Variants in PWWP2A observed in about 807,000 individuals in gnomAD.
The protein encoded by PWWP2A is PWWP domain-containing protein 2A.
PWWP2A carries 18 observed loss-of-function variants against 48.5 expected under a neutral mutation model. That is an observed-to-expected ratio of 0.37 (90% CI 0.26 to 0.55). The LOEUF (loss-of-function observed/expected upper bound fraction) is 0.55, where lower values mean the gene tolerates loss of function less well. PWWP2A is among the 20% of genes least tolerant of loss of function. PWWP2A has a pLI of 0.81. For missense variants in PWWP2A, 867 were observed against 976.4 expected, an observed-to-expected ratio of 0.89 and a Z score of 1.49; for synonymous variants, 396 against 387.7, an observed-to-expected ratio of 1.02 and a Z score of -0.25.
At position 160,093,723 on chromosome 5, in the gene PWWP2A, T is replaced by C. The variant is rs1371977006; in HGVS notation, c.927A>G (p.Ile309Met). The change falls in exon 2 of 2, where the codon ATA becomes ATG. Residue 309 changes from isoleucine to methionine, a missense_variant. Transcript: ENST00000307063. The surrounding 1 kb of genome is among the most constrained non-coding windows in gnomAD (Gnocchi z 5.8). ...TGGGTCGTAGTTTAATAGCATTCAT[T>C]ATTGAAGTGGGTTCTTCCCTGTACA... is the stretch of plus-strand genomic sequence containing the variant. ...RKMYREEPTS[I>M]MNAIKLRPRQ... 1 of 1,614,052 alleles carries C rather than the reference T, an allele frequency of 6.2e-7. No homozygotes were observed. The highest frequency in any genetic ancestry group is 8.5e-7 in the Non-Finnish European group (1 of 1,179,904).
the PWWP2A span, chr5:160,051,208 G>T: frequency 1.9e-6 from 3 of 1,590,700 alleles, no homozygotes; most frequent in South Asian, 3.4e-5. Context: ...TACTTTGCTT[G>T]ATCATAAACA....
At chr5:160,063,966 C>CTTT (rs34967107) in intron 4 of PWWP2A, among the ~76,000 whole-genome samples, 9,738 of 106,574 alleles carry the variant, frequency 0.091, 1,030 homozygotes, top group Admixed American at 0.17. Context: ...TAGACCATGA[C>CTTT]TTTTTTTTTT....
At chr5:160,084,772 G>A (rs1418063437) in intron 2 of PWWP2A, among the ~76,000 whole-genome samples, 1 of 151,874 alleles carries the variant, frequency 6.6e-6, no homozygotes, top group Admixed American at 6.6e-5. Context: ...TGCATCACTG[G>A]CAAGTTATAT....
At chr5:160,073,479 G>A (rs955258929), downstream of PWWP2A, among the ~76,000 whole-genome samples, 9 of 151,784 alleles carry the variant, frequency 5.9e-5, no homozygotes, top group African/African-American at 2.2e-4. Context: ...CACCCTCCTC[G>A]ACCTCCCAAA....
intron 1 of PWWP2A, among the ~76,000 whole-genome samples, chr5:160,102,545 A>G (rs1348623582): frequency 2.0e-5 from 3 of 152,180 alleles, no homozygotes; most frequent in Non-Finnish European, 4.4e-5. Flanking sequence ...ATAATTAAGT[A>G]AAAAATTAAA....
At chr5:160,068,531 G>A (rs1753670298) in intron 2 of PWWP2A, among the ~76,000 whole-genome samples, 2 of 152,116 alleles carry the variant, frequency 1.3e-5, no homozygotes, top group South Asian at 4.2e-4. Context: ...CCCAACAGGC[G>A]GAGGTTGCAG....
chr5:160,090,153 T>C, downstream of PWWP2A: 3 of 985,296 alleles, frequency 3.0e-6, no homozygotes, highest in Non-Finnish European at 3.6e-6. Context: ...ATTGTTATTT[T>C]TATATTCAAC....
chr5:160,114,820 C>T (rs75631730), intron 1 of PWWP2A, among the ~76,000 whole-genome samples: 1 of 150,294 alleles, frequency 6.7e-6, no homozygotes, highest in Non-Finnish European at 1.5e-5. Context: ...CATGGTAAGA[C>T]CCCCATCTCT....
chr5:160,091,894 G>T lies in PWWP2A; in HGVS notation c.*488C>A. On this transcript the variant is annotated 3_prime_UTR_variant, in exon 2 of 2. Transcript: ENST00000307063. The stretch of plus-strand genomic sequence containing the variant: ...TCATTAAATATCCACTATTCCCCCA[G>T]CTCACCAAGCCCTTATTGCAATCCC... 1.3e-5 allele frequency: 13 copies of T among 984,272 alleles called. No homozygotes were observed. Among genetic ancestry groups the T allele is most frequent in the Non-Finnish European group, 1.6e-5 (13 of 829,498 alleles). 61.0% of individuals were successfully genotyped at this position (984,272 alleles called of 1,614,324 possible).
At chr5:160,111,807 C>A (rs73314945) in intron 1 of PWWP2A, among the ~76,000 whole-genome samples, 1 of 152,106 alleles carries the variant, frequency 6.6e-6, no homozygotes, top group African/African-American at 2.4e-5. Flanking sequence ...TGTCATTAGA[C>A]GTTGCTAATG....
Position 160,093,297 on chromosome 5 carries a change from A to G in PWWP2A, c.1353T>C (p.Asn451=). The change falls in exon 2 of 2, where the codon AAT becomes AAC. Residue 451 remains asparagine (N), a synonymous_variant. Coordinates refer to ENST00000307063, the MANE Select transcript of PWWP2A (RefSeq NM_001130864.2). The surrounding 1 kb of genome is among the most constrained non-coding windows in gnomAD (Gnocchi z 5.8). ...KKQNETSTSK[N]AHSKVHFTRR... Reference sequence around the variant, plus strand: ...GTGTGAAATGGACTTTTGAATGTGCATTTTTGGAAGTAGAGGTTTCATTTT... The same window carrying G: ...GTGTGAAATGGACTTTTGAATGTGCGTTTTTGGAAGTAGAGGTTTCATTTT... 1 of 1,613,972 alleles carries G rather than the reference A, an allele frequency of 6.2e-7. No homozygotes were observed. The highest frequency in any genetic ancestry group is 8.5e-7 in the Non-Finnish European group (1 of 1,179,888).
At chr5:160,049,419 A>G in the PWWP2A span, 1 of 1,202,424 alleles carries the variant, frequency 8.3e-7, no homozygotes, top group Non-Finnish European at 1.1e-6. Flanking sequence ...TTCCTTTCGT[A>G]TCCTTGGAGG....
intron 1 of PWWP2A, among the ~76,000 whole-genome samples, chr5:160,112,491 A>C (rs112159704): frequency 0.013 from 1,947 of 152,158 alleles, 46 homozygotes; most frequent in African/African-American, 0.045. Context: ...CAACTTGCTG[A>C]GATTACAGGC....
intron 3 of PWWP2A, among the ~76,000 whole-genome samples, chr5:160,080,196 T>C (rs192627133): frequency 6.6e-6 from 1 of 152,310 alleles, no homozygotes; most frequent in Admixed American, 6.5e-5. Flanking sequence ...AGAATATATA[T>C]ACACATATGT....
At position 160,091,699 on chromosome 5, in the gene PWWP2A, G is replaced by A. The variant is rs1253904052; in HGVS notation, c.*683C>T. ...TTAAATCCCCACTGGACGAAAGACAGTGATGACTAACACCTATCCAGTCTT... is the reference window on the plus strand; with the variant it reads ...TTAAATCCCCACTGGACGAAAGACAATGATGACTAACACCTATCCAGTCTT... On this transcript the variant is annotated 3_prime_UTR_variant, in exon 2 of 2. Transcript: ENST00000307063. 6.1e-6 allele frequency: 6 copies of A among 985,236 alleles called. No individual in the cohort carries two copies. The highest frequency in any genetic ancestry group is 1.7e-5 in the African/African-American group (1 of 57,322). 61.0% of individuals were successfully genotyped at this position (985,236 alleles called of 1,614,324 possible).
chr5:160,117,861 C>T, intron 1 of PWWP2A: 2 of 984,530 alleles, frequency 2.0e-6, no homozygotes, highest in Non-Finnish European at 2.4e-6. Context: ...GAGATACGAT[C>T]AGAGCGTGTG....
Position 160,093,402 on chromosome 5 carries a change from T to G in PWWP2A, c.1248A>C (p.Lys416Asn), listed in dbSNP as rs1281971935. 1.2e-6 allele frequency: 2 copies of G among 1,613,594 alleles called. No homozygotes were observed. Among genetic ancestry groups the G allele is most frequent in the Non-Finnish European group, 1.7e-6 (2 of 1,179,812 alleles). The change falls in exon 2 of 2, where the codon AAA becomes AAC. Residue 416 changes from lysine (K) to asparagine (N), a missense_variant. Transcript: ENST00000307063. This position sits in a 1 kb window ranked among gnomAD's most constrained non-coding sequence, Gnocchi z 5.8. ...NTSKAQLSTK[K>N]VLQSKNMDHA... is the part of the protein sequence containing the mutation. Reference sequence around the variant, plus strand: ...GATCCATGTTCTTACTCTGGAGAACTTTTTTAGTACTTAACTGAGCTTTTG... The same window carrying G: ...GATCCATGTTCTTACTCTGGAGAACGTTTTTAGTACTTAACTGAGCTTTTG...
intron 1 of PWWP2A, 56 bp from the exon 2 acceptor site, chr5:160,094,121 T>C: frequency 6.8e-7 from 1 of 1,472,194 alleles, no homozygotes; most frequent in Non-Finnish European, 9.1e-7. Context: ...TATAATTCAA[T>C]TTCTTAAACG....
At chr5:160,095,566 C>A (rs1755550741) in intron 1 of PWWP2A, among the ~76,000 whole-genome samples, 1 of 151,968 alleles carries the variant, frequency 6.6e-6, no homozygotes, top group South Asian at 2.1e-4. Flanking sequence ...TAGATCTAAA[C>A]CCAAAGATTG....
Sources: gnomAD v4.1 joint callset for allele counts (sites outside exome capture counted in the v4.1 genomes callset) on GRCh38, gnomAD v4.1.1 for gene constraint, Gnocchi (gnomAD v3.1) non-coding constraint, MANE v1.5 for transcripts, NCBI Gene and HGNC (gene_info 2026-07-23, HGNC 2026-07-21) for gene names.